Variants in LAMP3 observed in about 807,000 individuals in gnomAD.
LAMP3 encodes lysosome-associated membrane glycoprotein 3.
In LAMP3, 26 loss-of-function variants were observed where a neutral mutation model predicts 34.8. That is an observed-to-expected ratio of 0.75 (90% CI 0.55 to 1.04). LAMP3 has a LOEUF of 1.04. Among genes scored for constraint, LAMP3 ranks in the 50% least tolerant of loss-of-function variants. The pLI, the probability that LAMP3 is intolerant of heterozygous loss-of-function variation, is 0.00. For synonymous variants in LAMP3, 180 were observed against 201.9 expected (o/e 0.89, Z 0.92); for missense variants, 495 against 524.0 (o/e 0.94, Z 0.54).
At chr3:183,153,570 A>G in intron 2 of LAMP3, 112 bp downstream of exon 2, 1 of 673,008 alleles carries the variant, frequency 1.5e-6, no homozygotes. Flanking sequence ...ATGAGCTCAC[A>G]GCTATTGGTT....
intron 4 of LAMP3, among the ~76,000 whole-genome samples, chr3:183,136,298 G>A (rs1720086330): frequency 6.6e-6 from 1 of 152,108 alleles, no homozygotes; most frequent in Admixed American, 6.5e-5. Context: ...AATCAGTGAA[G>A]GGACATGCAG....
chr3:183,126,228 C>T (rs890254468), intron 5 of LAMP3, among the ~76,000 whole-genome samples: 4 of 151,490 alleles, frequency 2.6e-5, no homozygotes, highest in Non-Finnish European at 4.4e-5. Context: ...TTAAAAAGAA[C>T]GTGGTAGGTC....
chr3:183,149,308 CAG>C (rs1720539862), intron 3 of LAMP3, among the ~76,000 whole-genome samples: 1 of 151,310 alleles, frequency 6.6e-6, no homozygotes. Context: ...TTGGGAGGCT[CAG>C]GGGGGCGGAT....
At chr3:183,130,374 G>T (rs1416994120) in intron 5 of LAMP3, among the ~76,000 whole-genome samples, 1 of 151,878 alleles carries the variant, frequency 6.6e-6, no homozygotes, top group Non-Finnish European at 1.5e-5. Context: ...TAGCTAGGAT[G>T]GTCTCGATCT....
At chr3:183,161,065 C>T (rs1235044416) in intron 1 of LAMP3, 1 of 152,228 alleles carries the variant, frequency 6.6e-6, no homozygotes, top group Non-Finnish European at 1.5e-5. Context: ...AAAATCACTG[C>T]AGTAATTGCT....
At chr3:183,136,380 G>A (rs1013913920) in intron 4 of LAMP3, among the ~76,000 whole-genome samples, 18 of 152,174 alleles carry the variant, frequency 1.2e-4, no homozygotes, top group African/African-American at 3.9e-4. Flanking sequence ...GGCCAGGCGC[G>A]GTGGCTCACG....
chr3:183,142,901 C>T (rs1720328707), intron 3 of LAMP3, among the ~76,000 whole-genome samples: 2 of 152,212 alleles, frequency 1.3e-5, no homozygotes, highest in East Asian at 1.9e-4. Flanking sequence ...CCTGTGAACC[C>T]GTCCCTGATG....
intron 3 of LAMP3, among the ~76,000 whole-genome samples, chr3:183,142,798 T>A (rs975681921): frequency 1.3e-5 from 2 of 152,082 alleles, no homozygotes; most frequent in Non-Finnish European, 2.9e-5. Flanking sequence ...AAAATGAAAG[T>A]GCCGGGCCAT....
intron 1 of LAMP3, among the ~76,000 whole-genome samples, chr3:183,155,371 T>G (rs1291226557): frequency 6.6e-6 from 1 of 152,238 alleles, no homozygotes; most frequent in Admixed American, 6.5e-5. Context: ...ACAGACCAAT[T>G]CCTGTCATTT....
intron 3 of LAMP3, among the ~76,000 whole-genome samples, chr3:183,151,518 C>T (rs1720633428): frequency 6.6e-6 from 1 of 151,328 alleles, no homozygotes; most frequent in African/African-American, 2.4e-5. Context: ...ACCTCCACCT[C>T]CCCGGTTCAA....
intron 1 of LAMP3, among the ~76,000 whole-genome samples, chr3:183,160,268 C>T (rs900316910): frequency 1.3e-5 from 2 of 152,206 alleles, no homozygotes; most frequent in East Asian, 1.9e-4. Flanking sequence ...CCCAAAAGCT[C>T]CGTCTCTCCT....
At chr3:183,157,246 C>A (rs771408020) in intron 1 of LAMP3, among the ~76,000 whole-genome samples, 1 of 151,824 alleles carries the variant, frequency 6.6e-6, no homozygotes, top group Admixed American at 6.6e-5. Context: ...TTTTTTAAAT[C>A]GAAAATATCC....
intron 3 of LAMP3, among the ~76,000 whole-genome samples, chr3:183,147,266 GAAC>G (rs1720476595): frequency 6.6e-6 from 1 of 151,318 alleles, no homozygotes; most frequent in Non-Finnish European, 1.5e-5. Flanking sequence ...AAAAAATATT[GAAC>G]AACTGGCACA....
chr3:183,127,324 G>T (rs1261107655), intron 5 of LAMP3, among the ~76,000 whole-genome samples: 1 of 152,050 alleles, frequency 6.6e-6, no homozygotes, highest in Non-Finnish European at 1.5e-5. Flanking sequence ...TGAAGAGATG[G>T]GGTCCTTACT....
intron 3 of LAMP3, among the ~76,000 whole-genome samples, chr3:183,146,845 G>A (rs906282988): frequency 2.6e-5 from 4 of 151,282 alleles, no homozygotes; most frequent in Non-Finnish European, 5.9e-5. Flanking sequence ...TTTTAAAAAT[G>A]TGTTGCCAAC....
chr3:183,139,170 A>T (rs1043431608), intron 4 of LAMP3, among the ~76,000 whole-genome samples: 11 of 152,236 alleles, frequency 7.2e-5, no homozygotes, highest in Non-Finnish European at 1.3e-4. Context: ...TGCGTGGATC[A>T]CTTGAGGTCA....
At chr3:183,136,589 T>C (rs11718831) in intron 4 of LAMP3, among the ~76,000 whole-genome samples, 28,339 of 147,852 alleles carry the variant, frequency 0.19, 3,520 homozygotes, top group African/African-American at 0.36. Context: ...AGGTGGAGGT[T>C]GTGTTGAGCC....
chr3:183,135,783 G>C lies in LAMP3; in HGVS notation c.1051C>G (p.Leu351Val). 1 of 1,614,226 alleles carries C rather than the reference G, an allele frequency of 6.2e-7. No individual in the cohort carries two copies. Among genetic ancestry groups the C allele is most frequent in the South Asian group, 1.1e-5 (1 of 91,090 alleles). The change falls in exon 5 of 6, where the codon CTG (leucine) becomes GTG (valine). Residue 351 changes from leucine (L) to valine (V), a missense_variant. By Grantham distance (32) the Leu-to-Val change is conservative. Transcript: ENST00000265598. Reference protein sequence around the residue: ...SEQSLQLSAHLQVKTTDVQLQ... With the variant: ...SEQSLQLSAHVQVKTTDVQLQ... ...TGGACATCGGTTGTTTTCACCTGCA[G>C]GTGGGCTGACAACTGGAGGCTCTGT... is the stretch of plus-strand genomic sequence containing the variant.
chr3:183,134,780 G>C (rs75639290), intron 5 of LAMP3, among the ~76,000 whole-genome samples: 3,934 of 152,272 alleles, frequency 0.026, 69 homozygotes, highest in Middle Eastern at 0.048. Context: ...AGCAAAATCA[G>C]ATTCATATTG....
Sources: allele counts gnomAD v4.1 joint callset (sites outside exome capture counted in the v4.1 genomes callset), GRCh38; gene constraint gnomAD v4.1.1; transcripts MANE v1.5; gene names NCBI Gene and HGNC (gene_info 2026-07-23, HGNC 2026-07-21).